The following MDGA2 variants were observed in gnomAD, a reference collection of about 807,000 sequenced individuals.
MDGA2 encodes MAM domain-containing glycosylphosphatidylinositol anchor protein 2.
In MDGA2, 40 loss-of-function variants were observed where a neutral mutation model predicts 117.8. The ratio of observed to expected loss-of-function variants is 0.34; its 90% CI spans 0.26 to 0.44. The LOEUF (loss-of-function observed/expected upper bound fraction) is 0.44. Ranked by LOEUF, MDGA2 falls within the 20% of genes least tolerant of loss-of-function variation. The pLI, the probability that MDGA2 is intolerant of heterozygous loss-of-function variation, is 1.00. For synonymous variants in MDGA2, 452 were observed against 439.0 expected, an observed-to-expected ratio of 1.03 and a Z score of -0.37; for missense variants, 1,123 against 1,250.6, an observed-to-expected ratio of 0.90 and a Z score of 1.54.
intron 3 of MDGA2, among the ~76,000 whole-genome samples, chr14:47,195,719 T>C (rs991548528): frequency 6.6e-6 from 1 of 151,980 alleles, no homozygotes; most frequent in Non-Finnish European, 1.5e-5. Context: ...TAACTGACAA[T>C]TGAAAGAAAG....
chr14:46,845,546 T>A (rs929544586), intron 16 of MDGA2, among the ~76,000 whole-genome samples: 3 of 152,184 alleles, frequency 2.0e-5, no homozygotes, highest in African/African-American at 7.2e-5. Flanking sequence ...TAGATCTAAA[T>A]CAAAATCTCA....
chr14:47,642,099 G>A (rs1226047999), intron 1 of MDGA2, among the ~76,000 whole-genome samples: 2 of 152,080 alleles, frequency 1.3e-5, no homozygotes, highest in East Asian at 3.9e-4. Context: ...CTCCCTAGGG[G>A]AACTTGCTCT....
At chr14:47,015,368 A>C (rs1446418268) in intron 8 of MDGA2, among the ~76,000 whole-genome samples, 4 of 152,022 alleles carry the variant, frequency 2.6e-5, no homozygotes, top group Admixed American at 6.6e-5. Context: ...ACGAACCTTC[A>C]ATTTATAAAA....
chr14:46,863,122 A>G (rs971605975), intron 14 of MDGA2, among the ~76,000 whole-genome samples: 3 of 151,916 alleles, frequency 2.0e-5, no homozygotes, highest in African/African-American at 7.2e-5. Context: ...ATTGTCATAC[A>G]TTGGCTTTGT....
At chr14:46,955,155 TATA>T (rs1462372621) in intron 9 of MDGA2, among the ~76,000 whole-genome samples, 1 of 152,214 alleles carries the variant, frequency 6.6e-6, no homozygotes, top group East Asian at 1.9e-4. Context: ...AATCCTGTGC[TATA>T]ATATTACAGA....
intron 2 of MDGA2, among the ~76,000 whole-genome samples, chr14:47,290,172 A>G (rs1555370436): frequency 1.3e-5 from 2 of 152,056 alleles, no homozygotes; most frequent in Non-Finnish European, 2.9e-5. Flanking sequence ...ATTCATTCAT[A>G]TTTTGGAATC....
rs578111619 is a variant in MDGA2, at chr14:47,108,857, A to G, written c.926-11734T>C. Among the ~76,000 whole-genome samples, 92 of 152,332 alleles carry G rather than the reference A, an allele frequency of 6.0e-4. 2 individuals carry two copies. The highest frequency in any genetic ancestry group is 6.0e-3 in the Admixed American group (92 of 15,306). On this transcript the variant is annotated intron_variant, in intron 5 of 16. Coordinates refer to ENST00000399232, the MANE Select transcript of MDGA2 (RefSeq NM_001113498.3). ...AGGTGAGCAAAAGTCAGTGAAGCAA[A>G]AAAGATGATCCCCGTGTATAAGCTA...
At chr14:46,879,146 A>T (rs978864111) in intron 11 of MDGA2, among the ~76,000 whole-genome samples, 7 of 152,218 alleles carry the variant, frequency 4.6e-5, no homozygotes, top group South Asian at 2.1e-4. Context: ...GGTAATTAAG[A>T]TTAAATTAAT....
chr14:47,480,076 C>CA (rs919602622), intron 1 of MDGA2, among the ~76,000 whole-genome samples: 4 of 117,302 alleles, frequency 3.4e-5, no homozygotes, highest in African/African-American at 9.0e-5. Flanking sequence ...GGTTCCTTTA[C>CA]AAAAAAATCA....
chr14:47,021,994 C>A (rs1324121293), intron 8 of MDGA2, among the ~76,000 whole-genome samples: 2 of 152,030 alleles, frequency 1.3e-5, no homozygotes, highest in Non-Finnish European at 2.9e-5. Flanking sequence ...ATTGCAGTAT[C>A]AAAAAACTGT....
At chr14:47,422,791 A>G (rs373869275) in intron 1 of MDGA2, among the ~76,000 whole-genome samples, 3 of 152,284 alleles carry the variant, frequency 2.0e-5, no homozygotes, top group Middle Eastern at 3.4e-3. Context: ...GAAAGCCACA[A>G]TACATGTCTC....
intron 1 of MDGA2, among the ~76,000 whole-genome samples, chr14:47,447,135 C>T (rs1332260218): frequency 6.6e-6 from 1 of 152,188 alleles, no homozygotes; most frequent in Non-Finnish European, 1.5e-5. Flanking sequence ...GTTGCTCTCA[C>T]ATGCTAAATA....
chr14:46,891,164 C>T (rs1882869276), intron 10 of MDGA2, among the ~76,000 whole-genome samples: 1 of 151,824 alleles, frequency 6.6e-6, no homozygotes, highest in Non-Finnish European at 1.5e-5. Flanking sequence ...TAAAATATAG[C>T]CAATATTTAT....
chr14:46,913,010 CT>C (rs1191385387), intron 10 of MDGA2, among the ~76,000 whole-genome samples: 1 of 152,070 alleles, frequency 6.6e-6, no homozygotes, highest in Non-Finnish European at 1.5e-5. Flanking sequence ...TCTCTGAGTC[CT>C]TCATTCTCTC....
At chr14:47,638,929 G>T (rs1897371414) in intron 1 of MDGA2, among the ~76,000 whole-genome samples, 1 of 152,094 alleles carries the variant, frequency 6.6e-6, no homozygotes. Flanking sequence ...CTAGTTCTGT[G>T]TAATTTCTTG....
At chr14:47,371,658 C>T (rs1891361601) in intron 1 of MDGA2, among the ~76,000 whole-genome samples, 1 of 151,550 alleles carries the variant, frequency 6.6e-6, no homozygotes, top group Non-Finnish European at 1.5e-5. Flanking sequence ...TTTAAATTTT[C>T]CATAGTCATA....
intron 1 of MDGA2, among the ~76,000 whole-genome samples, chr14:47,650,803 C>G (rs753227241): frequency 2.5e-4 from 38 of 152,196 alleles, no homozygotes; most frequent in Non-Finnish European, 4.4e-4. Flanking sequence ...ACACACTCAG[C>G]AAGCCCATCA....
chr14:47,141,693 C>A (rs1011722796), intron 4 of MDGA2, among the ~76,000 whole-genome samples: 1 of 150,810 alleles, frequency 6.6e-6, no homozygotes, highest in South Asian at 2.1e-4. Flanking sequence ...TTAGGGAGCA[C>A]AATAATCATT....
At chr14:47,105,583 A>C (rs1472103118) in intron 5 of MDGA2, among the ~76,000 whole-genome samples, 1 of 152,018 alleles carries the variant, frequency 6.6e-6, no homozygotes, top group Non-Finnish European at 1.5e-5. Context: ...AGTAGTTCCA[A>C]ATAGCCAGAA....
Sources: allele counts gnomAD v4.1 joint callset (sites outside exome capture counted in the v4.1 genomes callset), GRCh38; gene constraint gnomAD v4.1.1; transcripts MANE v1.5; gene names NCBI Gene and HGNC (gene_info 2026-07-23, HGNC 2026-07-21).